The following EEPD1 variants were observed in gnomAD, a reference collection of about 807,000 sequenced individuals.
EEPD1 encodes endonuclease/exonuclease/phosphatase family domain-containing protein 1.
Under a neutral mutation model 46.3 loss-of-function variants are expected in EEPD1, and 17 were observed. The observed-to-expected ratio is 0.37, with a 90% CI of 0.25 to 0.55. The LOEUF (loss-of-function observed/expected upper bound fraction) is 0.55. Among genes scored for constraint, EEPD1 ranks in the 20% least tolerant of loss-of-function variants. The pLI is 0.83. For synonymous variants in EEPD1, 313 were observed against 315.6 expected (o/e 0.99, Z 0.09); for missense variants, 673 against 745.6 (o/e 0.90, Z 1.13).
rs554458476 is a variant in EEPD1 at position 36,210,966 on chromosome 7, G to A, written c.879-28019G>A. Among the ~76,000 whole-genome samples, 20 of 152,290 alleles carry A rather than the reference G, an allele frequency of 1.3e-4. No homozygotes were observed. The South Asian group carries it at 2.5e-3, about 19-fold the overall frequency. On this transcript the variant is annotated intron_variant, in intron 2 of 7. Transcript: ENST00000242108. ...TTTGCATCTGGCTTCACCCCTTACTGCTGTGTGCCCATCTAGGCATCAGTT... is the reference window on the plus strand; with the variant it reads ...TTTGCATCTGGCTTCACCCCTTACTACTGTGTGCCCATCTAGGCATCAGTT...
chr7:36,171,198 C>T (rs977859313), intron 2 of EEPD1, among the ~76,000 whole-genome samples: 2 of 152,214 alleles, frequency 1.3e-5, no homozygotes, highest in Admixed American at 6.5e-5. Flanking sequence ...GCTGAGATTA[C>T]AGGCATGAGC....
At chr7:36,169,910 C>T (rs1785046560) in intron 2 of EEPD1, among the ~76,000 whole-genome samples, 1 of 152,112 alleles carries the variant, frequency 6.6e-6, no homozygotes. Context: ...CTTTTTTTAT[C>T]AAAAGCCAAA....
chr7:36,280,277 G>T (rs1438365426), intron 3 of EEPD1, among the ~76,000 whole-genome samples: 1 of 152,200 alleles, frequency 6.6e-6, no homozygotes, highest in Non-Finnish European at 1.5e-5. Context: ...AGCTGCCTCA[G>T]TGGGGCTGAA....
chr7:36,202,390 G>A lies in EEPD1; in HGVS notation c.879-36595G>A, dbSNP rs551012439. Among the ~76,000 whole-genome samples, 54 of 152,212 alleles carry A rather than the reference G, an allele frequency of 3.5e-4. No individual in the cohort carries two copies. In the East Asian group the frequency reaches 6.4e-3, roughly 18 times the overall value. ...TGGGGGTGCTGCTTATTTTCTGCAG[G>A]GACTTGGGTTTCTCATCCTGTTCGC... On this transcript the variant is annotated intron_variant, in intron 2 of 7. Coordinates refer to ENST00000242108, the MANE Select transcript of EEPD1 (RefSeq NM_030636.3).
At chr7:36,278,537 T>C (rs1276853275) in intron 3 of EEPD1, among the ~76,000 whole-genome samples, 2 of 151,940 alleles carry the variant, frequency 1.3e-5, no homozygotes. Context: ...AAAATAGAGC[T>C]TTCCAGGGTG....
intron 2 of EEPD1, among the ~76,000 whole-genome samples, chr7:36,177,933 T>G (rs536007368): frequency 1.1e-4 from 16 of 152,240 alleles, no homozygotes; most frequent in Non-Finnish European, 2.2e-4. Flanking sequence ...AGGCTGGTCT[T>G]GAACTCCTGA....
chr7:36,207,285 T>C (rs1178665007), intron 2 of EEPD1, among the ~76,000 whole-genome samples: 2 of 152,022 alleles, frequency 1.3e-5, no homozygotes, highest in Non-Finnish European at 2.9e-5. Context: ...AAACCTTTAA[T>C]CTGCCCATGA....
rs1005247125 is a variant in EEPD1 at position 36,214,833 on chromosome 7, C to T, written c.879-24152C>T. Among the ~76,000 whole-genome samples the T allele has an allele frequency of 1.2e-4, 18 of 152,206 alleles. 1 individual carries two copies. Among genetic ancestry groups the T allele is most frequent in the Admixed American group, 2.0e-4 (3 of 15,286 alleles). On this transcript the variant is annotated intron_variant, in intron 2 of 7. Transcript: ENST00000242108. ...TTCTTGGAAGTGCTTTTGAAGTTGA[C>T]TCCACTCAGAACCTCCTTTGGAATT... is the stretch of plus-strand genomic sequence containing the variant.
In EEPD1 at chr7:36,281,095, C is replaced by A. The variant is rs780025440; in HGVS notation, c.931-20C>A. On this transcript the variant is annotated intron_variant, in intron 3 of 7. Transcript: ENST00000242108. ...TTTAGGCGCGAACCCACGCTTCTGA[C>A]CTGTGCTCTGTCTTTGCAGTTCTGC... The A allele has an allele frequency of 6.8e-6, 11 of 1,612,504 alleles. No individual in the cohort carries two copies. The highest frequency in any genetic ancestry group is 1.3e-5 in the African/African-American group (1 of 74,920).
intron 6 of EEPD1, among the ~76,000 whole-genome samples, chr7:36,292,048 C>G (rs1315041910): frequency 6.6e-6 from 1 of 152,200 alleles, no homozygotes; most frequent in Non-Finnish European, 1.5e-5. Flanking sequence ...CTTTGTAGTT[C>G]TTATGCACAC....
intron 2 of EEPD1, among the ~76,000 whole-genome samples, chr7:36,162,695 T>G (rs1042735955): frequency 2.0e-5 from 3 of 152,178 alleles, no homozygotes; most frequent in African/African-American, 7.2e-5. Context: ...CTTTACTGAC[T>G]ACAATTCCCC....
At chr7:36,294,943 C>G (rs933402856) in intron 6 of EEPD1, among the ~76,000 whole-genome samples, 1 of 151,926 alleles carries the variant, frequency 6.6e-6, no homozygotes, top group Non-Finnish European at 1.5e-5. Context: ...TTTGGGAAGC[C>G]GAAGTGAGCG....
chr7:36,171,660 C>A (rs771113109), intron 2 of EEPD1, among the ~76,000 whole-genome samples: 91 of 152,188 alleles, frequency 6.0e-4, no homozygotes, highest in Non-Finnish European at 2.4e-4. Flanking sequence ...CAAAATAGAT[C>A]TTTATCTTTG....
Position 36,242,690 on chromosome 7 carries a change from A to G in EEPD1, c.930+3654A>G, listed in dbSNP as rs1304424044. ...GTAATCTCAGCACTTTGGGAGGCCA[A>G]GGTGGGTGGATCACCTGAGGTCGGG... On this transcript the variant is annotated intron_variant, in intron 3 of 7. Transcript: ENST00000242108. Among the ~76,000 whole-genome samples, 4 of 150,256 alleles carry G rather than the reference A, an allele frequency of 2.7e-5. No individual in the cohort carries two copies. In the Admixed American group the frequency reaches 2.7e-4, roughly 10 times the overall value.
intron 2 of EEPD1, among the ~76,000 whole-genome samples, chr7:36,222,035 A>G (rs1786154315): frequency 1.3e-5 from 2 of 152,144 alleles, no homozygotes; most frequent in East Asian, 1.9e-4. Context: ...TTTATTTTAT[A>G]TTGTATTCAG....
At chr7:36,208,676 A>G (rs1463126992) in intron 2 of EEPD1, among the ~76,000 whole-genome samples, 1 of 152,234 alleles carries the variant, frequency 6.6e-6, no homozygotes, top group Non-Finnish European at 1.5e-5. Flanking sequence ...CACTTGGTTT[A>G]GAGGGAAGAG....
At chr7:36,213,089 G>T (rs984902343) in intron 2 of EEPD1, among the ~76,000 whole-genome samples, 13 of 152,220 alleles carry the variant, frequency 8.5e-5, no homozygotes, top group African/African-American at 2.9e-4. Context: ...CGAGGCGGAG[G>T]TTGCAGTGAG....
chr7:36,278,491 C>A (rs1034807295), intron 3 of EEPD1, among the ~76,000 whole-genome samples: 1 of 124,112 alleles, frequency 8.1e-6, no homozygotes. Context: ...GTTGGCTGAT[C>A]CCTTGGTGGG....
intron 2 of EEPD1, among the ~76,000 whole-genome samples, chr7:36,170,171 G>A (rs919944856): frequency 6.6e-6 from 1 of 152,198 alleles, no homozygotes; most frequent in East Asian, 1.9e-4. Flanking sequence ...TTGCGAGGCC[G>A]AGGCAGACCT....
Sources: gnomAD v4.1 joint callset for allele counts (sites outside exome capture counted in the v4.1 genomes callset) on GRCh38, gnomAD v4.1.1 for gene constraint, MANE v1.5 for transcripts, NCBI Gene and HGNC (gene_info 2026-07-23, HGNC 2026-07-21) for gene names.